C2CD5: variants seen among roughly 807,000 people sequenced by gnomAD.
C2CD5 encodes the protein C2 domain-containing protein 5.
C2CD5 carries 109 observed loss-of-function variants against 130.3 expected under a neutral mutation model. The observed-to-expected ratio is 0.84, with a 90% confidence interval of 0.72 to 0.98. The LOEUF is 0.98. C2CD5 is among the 50% of genes least tolerant of loss of function. The pLI is 0.00. For missense variants in C2CD5, 996 were observed against 1,261.8 expected (o/e 0.79, Z 3.19); for synonymous variants, 454 against 429.2 (o/e 1.06, Z -0.71).
At chr12:22,544,260 G>A in intron 1 of C2CD5, 60 bp downstream of exon 1, 3 of 1,051,418 alleles carry the variant, frequency 2.9e-6, no homozygotes, top group South Asian at 1.7e-5. Context: ...AACTGACAGC[G>A]AAGGAGCGCG....
At position 22,470,869 on chromosome 12, in the gene C2CD5, C is replaced by A. The variant is rs771297998; in HGVS notation, c.2401G>T (p.Ala801Ser). Residue 801 changes from alanine to serine, a missense_variant, in exon 21 of 27, where the codon GCT (alanine) becomes TCT (serine). This residue lies in a region of C2CD5 where 590 missense variants were observed against 631.4 expected (regional missense o/e 0.93). Coordinates refer to ENST00000446597, the MANE Select transcript of C2CD5 (RefSeq NM_001286176.2). ...AVAITFDKNQ[A>S]LQTTKTPVEK... ...ACAGGGGTTTTTGTGGTTTGTAAAG[C>A]CTGATTTTTGTCAAAAGTGATTGCG... is the stretch of plus-strand genomic sequence containing the variant. 1.2e-6 allele frequency: 2 copies of A among 1,612,640 alleles called. No homozygotes were observed. The highest frequency in any genetic ancestry group is 8.5e-7 in the Non-Finnish European group (1 of 1,178,984).
intron 7 of C2CD5, among the ~76,000 whole-genome samples, chr12:22,522,396 T>C (rs552687383): frequency 6.6e-6 from 1 of 152,218 alleles, no homozygotes; most frequent in Non-Finnish European, 1.5e-5. Flanking sequence ...ATGACAGTCA[T>C]GACCACCATC....
chr12:22,493,152 A>T, intron 11 of C2CD5, 71 bp downstream of exon 11: 1 of 839,588 alleles, frequency 1.2e-6, no homozygotes. Flanking sequence ...TTTTATTTGC[A>T]TGAAGCTTTT....
chr12:22,465,170 G>A (rs112701215), intron 22 of C2CD5, among the ~76,000 whole-genome samples: 1,521 of 151,976 alleles, frequency 0.01, 31 homozygotes, highest in African/African-American at 0.035. Context: ...CTAATGTAAT[G>A]AATAGAGTAT....
At chr12:22,530,346 A>G (rs894904138) in intron 3 of C2CD5, among the ~76,000 whole-genome samples, 7 of 151,176 alleles carry the variant, frequency 4.6e-5, no homozygotes, top group African/African-American at 1.7e-4. Context: ...ACTGATAAAC[A>G]GGGTTAAAAA....
intron 10 of C2CD5, chr12:22,502,864 C>A: frequency 6.6e-6 from 6 of 911,564 alleles, no homozygotes; most frequent in Admixed American, 4.4e-5. Context: ...AGGAATAAAA[C>A]AAAAAACACT....
chr12:22,459,654 T>C (rs1940701305), intron 22 of C2CD5, 112 bp from the exon 23 acceptor site: 2 of 573,048 alleles, frequency 3.5e-6, no homozygotes, highest in Non-Finnish European at 5.9e-6. Context: ...GAAATCTTTA[T>C]GGCTTCATTG....
chr12:22,455,490 A>C (rs915956921), intron 25 of C2CD5, among the ~76,000 whole-genome samples: 1 of 152,170 alleles, frequency 6.6e-6, no homozygotes, highest in African/African-American at 2.4e-5. Context: ...AAAATAGTGT[A>C]ATATCCATGT....
chr12:22,537,140 C>T (rs1951893095), intron 2 of C2CD5, among the ~76,000 whole-genome samples: 1 of 152,126 alleles, frequency 6.6e-6, no homozygotes, highest in Non-Finnish European at 1.5e-5. Context: ...AGTTTTGTCC[C>T]ACTATAACAG....
chr12:22,502,159 T>C (rs966798882), intron 10 of C2CD5, among the ~76,000 whole-genome samples: 1 of 152,098 alleles, frequency 6.6e-6, no homozygotes, highest in Non-Finnish European at 1.5e-5. Context: ...AATTACTTTT[T>C]AAAAATTATA....
chr12:22,491,189 C>T (rs1946299737), intron 11 of C2CD5, among the ~76,000 whole-genome samples: 1 of 152,126 alleles, frequency 6.6e-6, no homozygotes, highest in South Asian at 2.1e-4. Context: ...TAGAAAGGAC[C>T]TCTGTCAGAT....
chr12:22,506,826 G>A lies in C2CD5; in HGVS notation c.1039-7C>T. 1 of 1,504,364 alleles carries A rather than the reference G, an allele frequency of 6.6e-7. No individual in the cohort carries two copies. 93.2% of individuals were successfully genotyped at this position (1,504,364 alleles called of 1,614,324 possible). ...AGGTAAAAAATGGAAATTCCTAGTG[G>A]AAAGAATAAGGGAAAAATACAACTT... On this transcript the variant is annotated splice_region_variant and splice_polypyrimidine_tract_variant and intron_variant, in intron 9 of 26. Coordinates refer to ENST00000446597, the MANE Select transcript of C2CD5 (RefSeq NM_001286176.2).
chr12:22,488,875 CTT>C (rs149777462), intron 12 of C2CD5, among the ~76,000 whole-genome samples: 26 of 137,632 alleles, frequency 1.9e-4, no homozygotes, highest in Admixed American at 4.4e-4. Context: ...AATTTTTTTG[CTT>C]TTTTTTTTTT....
chr12:22,529,355 C>A (rs1037530887), intron 3 of C2CD5, among the ~76,000 whole-genome samples: 1 of 152,146 alleles, frequency 6.6e-6, no homozygotes, highest in African/African-American at 2.4e-5. Context: ...GACATTCCCC[C>A]CAATTTCTAA....
chr12:22,499,427 C>T (rs186185656), intron 10 of C2CD5, among the ~76,000 whole-genome samples: 187 of 152,310 alleles, frequency 1.2e-3, no homozygotes, highest in African/African-American at 4.4e-3. Flanking sequence ...ACTTTGCTCA[C>T]CTACAAAACA....
intron 22 of C2CD5, among the ~76,000 whole-genome samples, chr12:22,468,365 C>A (rs982911915): frequency 6.6e-6 from 1 of 152,058 alleles, no homozygotes; most frequent in Admixed American, 6.6e-5. Flanking sequence ...ATCACAGGTG[C>A]ACACCACCAC....
chr12:22,508,862 T>C (rs1948866384), intron 9 of C2CD5, among the ~76,000 whole-genome samples: 1 of 151,092 alleles, frequency 6.6e-6, no homozygotes, highest in Non-Finnish European at 1.5e-5. Flanking sequence ...GTAATCTTTA[T>C]ACTTAAATCT....
intron 10 of C2CD5, chr12:22,502,658 C>T: frequency 1.4e-6 from 1 of 718,312 alleles, no homozygotes; most frequent in Non-Finnish European, 2.4e-6. Context: ...AAACCTACTT[C>T]ATCTAGAACA....
At chr12:22,484,645 T>G in intron 13 of C2CD5, 52 bp downstream of exon 13, 1 of 1,002,432 alleles carries the variant, frequency 1.0e-6, no homozygotes, top group Non-Finnish European at 1.4e-6. Flanking sequence ...GGTTTACGGC[T>G]CCCTATCTCA....
Sources: gnomAD v4.1 joint callset for allele counts (sites outside exome capture counted in the v4.1 genomes callset) on GRCh38, gnomAD v4.1.1 for gene constraint, gnomAD v4.1.1 regional missense constraint, MANE v1.5 for transcripts, NCBI Gene and HGNC (gene_info 2026-07-23, HGNC 2026-07-21) for gene names.